Variants in MND1 observed in about 807,000 individuals in gnomAD.
MND1 encodes meiotic nuclear divisions 1.
A neutral mutation model predicts 35.1 loss-of-function variants in MND1; 28 were observed. The ratio of observed to expected loss-of-function variants is 0.80; its 90% CI spans 0.59 to 1.09. The LOEUF is 1.09. Ranked by LOEUF, MND1 falls within the 50% of genes least tolerant of loss-of-function variation. The pLI, the probability that MND1 is intolerant of heterozygous loss-of-function variation, is 0.00. For synonymous variants in MND1, 69 were observed against 70.5 expected, an observed-to-expected ratio of 0.98 and a Z score of 0.11; for missense variants, 213 against 239.6, an observed-to-expected ratio of 0.89 and a Z score of 0.73.
intron 4 of MND1, among the ~76,000 whole-genome samples, chr4:153,383,242 G>A (rs1278854877): frequency 6.6e-6 from 1 of 152,210 alleles, no homozygotes; most frequent in African/African-American, 2.4e-5. Context: ...AAACCTAACG[G>A]AGAGTCTGTG....
Position 153,350,087 on chromosome 4 carries a change from A to G in MND1, c.27A>G (p.Ala9=). 6.2e-7 allele frequency: 1 copy of G among 1,606,982 alleles called. No homozygotes were observed. The highest frequency in any genetic ancestry group is 8.5e-7 in the Non-Finnish European group (1 of 1,176,928). The part of the protein sequence containing the change: MSKKKGLS[A]EEKRTRMMEI... Reference sequence around the variant, plus strand: ...AGTCAAAGAAAAAAGGACTGAGTGCAGAAGAAAAGAGAACTCGCATGATGG... The same window carrying G: ...AGTCAAAGAAAAAAGGACTGAGTGCGGAAGAAAAGAGAACTCGCATGATGG... The change falls in exon 2 of 8, where the codon GCA becomes GCG. Residue 9 remains alanine (A), a synonymous_variant. Coordinates refer to ENST00000240488, the MANE Select transcript of MND1 (RefSeq NM_032117.4).
intron 7 of MND1, among the ~76,000 whole-genome samples, chr4:153,410,538 T>G (rs1729652833): frequency 1.3e-5 from 2 of 152,218 alleles, no homozygotes; most frequent in South Asian, 2.1e-4. Flanking sequence ...TTTTTCCTAG[T>G]CTATTTTAGA....
In MND1 at chr4:153,344,710, G is replaced by A. The variant is rs769840052; in HGVS notation, c.-28G>A. On this transcript the variant is annotated 5_prime_UTR_variant, in exon 1 of 8. Transcript: ENST00000240488. ...CGCCCCTCTCCCCAAGCGCGGGCCC[G>A]GCCAGCGGAAGCCCCTGCGCCCGCG... 6.3e-7 allele frequency: 1 copy of A among 1,585,550 alleles called. No individual in the cohort carries two copies. The highest frequency in any genetic ancestry group is 1.4e-5 in the African/African-American group (1 of 72,448).
At chr4:153,387,922 C>T (rs1224536799) in intron 4 of MND1, among the ~76,000 whole-genome samples, 1 of 151,126 alleles carries the variant, frequency 6.6e-6, no homozygotes, top group Non-Finnish European at 1.5e-5. Context: ...CTTTCTCATT[C>T]TCTGTTCCTT....
At chr4:153,400,349 ATCCT>A (rs1729315276) in intron 6 of MND1, among the ~76,000 whole-genome samples, 2 of 152,292 alleles carry the variant, frequency 1.3e-5, no homozygotes, top group South Asian at 4.1e-4. Flanking sequence ...GAGAGTAAGA[ATCCT>A]TCCTTCCTGG....
intron 4 of MND1, among the ~76,000 whole-genome samples, chr4:153,386,892 G>T (rs781687040): frequency 6.6e-5 from 10 of 152,140 alleles, no homozygotes; most frequent in Admixed American, 1.3e-4. Flanking sequence ...AAGACAAGAA[G>T]GATGCACACT....
intron 6 of MND1, among the ~76,000 whole-genome samples, chr4:153,397,633 A>G (rs1729234219): frequency 6.6e-6 from 1 of 150,720 alleles, no homozygotes; most frequent in African/African-American, 2.5e-5. Context: ...CCTGGCCAAC[A>G]TGGTGAAATC....
intron 1 of MND1, chr4:153,345,390 G>A: frequency 1.0e-6 from 1 of 985,520 alleles, no homozygotes. Flanking sequence ...TCTGCCAAAG[G>A]GCAGGAGTCG....
intron 6 of MND1, among the ~76,000 whole-genome samples, chr4:153,404,918 A>G (rs1463140268): frequency 6.6e-6 from 1 of 151,962 alleles, no homozygotes; most frequent in Non-Finnish European, 1.5e-5. Context: ...TCTTTTTTGT[A>G]GAGACGGGGT....
At chr4:153,364,507 AC>A (rs1773577007) in intron 4 of MND1, among the ~76,000 whole-genome samples, 1 of 144,624 alleles carries the variant, frequency 6.9e-6, no homozygotes, top group Non-Finnish European at 1.5e-5. Context: ...ACAGAGTCAG[AC>A]CCTGTTTAAG....
chr4:153,376,570 T>C (rs1403641584), intron 4 of MND1, among the ~76,000 whole-genome samples: 2 of 152,188 alleles, frequency 1.3e-5, no homozygotes. Context: ...AAGAGCAATG[T>C]TGTAACTGTT....
At chr4:153,399,683 G>A (rs1431447227) in intron 6 of MND1, among the ~76,000 whole-genome samples, 1 of 152,108 alleles carries the variant, frequency 6.6e-6, no homozygotes, top group Admixed American at 6.5e-5. Flanking sequence ...TCTGGAGGGT[G>A]GAATAACACA....
intron 5 of MND1, 95 bp downstream of exon 5, chr4:153,394,431 A>G (rs895052871): frequency 4.2e-6 from 4 of 948,802 alleles, no homozygotes; most frequent in East Asian, 5.9e-5. Flanking sequence ...CATTTCTACC[A>G]GAAGAGAAGG....
intron 4 of MND1, chr4:153,361,411 T>C (rs1773487188): frequency 2.2e-6 from 1 of 454,354 alleles, no homozygotes. Context: ...CTCTCTTCTG[T>C]TTGCTTTTAA....
intron 3 of MND1, 112 bp from the exon 4 acceptor site, chr4:153,358,362 C>A: frequency 2.2e-6 from 2 of 895,724 alleles, no homozygotes; most frequent in Non-Finnish European, 3.2e-6. Context: ...AGCTTATTAA[C>A]TTTTTAACTC....
intron 4 of MND1, among the ~76,000 whole-genome samples, chr4:153,387,309 T>C (rs1728896528): frequency 6.6e-6 from 1 of 152,078 alleles, no homozygotes; most frequent in South Asian, 2.1e-4. Context: ...AATTATGACA[T>C]ATTTATACCA....
intron 6 of MND1, among the ~76,000 whole-genome samples, chr4:153,399,106 A>G (rs1432000662): frequency 6.6e-6 from 1 of 152,180 alleles, no homozygotes; most frequent in Non-Finnish European, 1.5e-5. Context: ...CACGATAACC[A>G]AATCGGACCC....
At chr4:153,364,313 TCAAGACCAGCCTGG>T (rs973046092) in intron 4 of MND1, among the ~76,000 whole-genome samples, 3 of 151,998 alleles carry the variant, frequency 2.0e-5, no homozygotes, top group Admixed American at 6.6e-5. Context: ...GCCTAGGAAT[TCAAGACCAGCCTGG>T]CAACATGGCA....
In MND1 at chr4:153,363,507, C is replaced by G. The variant is rs375190740; in HGVS notation, c.276+4885C>G. On this transcript the variant is annotated intron_variant, in intron 4 of 7. Transcript: ENST00000240488. The stretch of plus-strand genomic sequence containing the variant: ...GATTACAGGCATGAGCCATTGCACC[C>G]GGCCTTATTTTATTGTTTTATTCAT... Among the ~76,000 whole-genome samples the G allele has an allele frequency of 1.7e-4, 26 of 152,206 alleles. 1 individual carries two copies. The highest frequency in any genetic ancestry group is 6.3e-4 in the African/African-American group (26 of 41,536).
Sources: allele counts gnomAD v4.1 joint callset (sites outside exome capture counted in the v4.1 genomes callset), GRCh38; gene constraint gnomAD v4.1.1; transcripts MANE v1.5; gene names NCBI Gene and HGNC (gene_info 2026-07-23, HGNC 2026-07-21).